The following WDR48 variants were observed in gnomAD, a reference collection of about 807,000 sequenced individuals.
WDR48 encodes the protein WD repeat domain 48, also known as WD repeat-containing protein 48.
Under a neutral mutation model 94.0 loss-of-function variants are expected in WDR48, and 22 were observed. The ratio of observed to expected loss-of-function variants is 0.23; its 90% CI spans 0.17 to 0.33. WDR48 has a LOEUF of 0.33. WDR48 is among the 10% of genes least tolerant of loss of function. The pLI, the probability that WDR48 is intolerant of heterozygous loss-of-function variation, is 1.00. For synonymous variants in WDR48, 278 were observed against 280.5 expected (o/e 0.99, Z 0.09); for missense variants, 541 against 813.8 (o/e 0.66, Z 4.08).
chr3:39,071,644 A>G (rs965684250), intron 7 of WDR48, among the ~76,000 whole-genome samples: 18 of 152,222 alleles, frequency 1.2e-4, no homozygotes, highest in African/African-American at 4.1e-4. Context: ...AGCAGAGGAA[A>G]TATTGTGGTT....
intron 1 of WDR48, among the ~76,000 whole-genome samples, chr3:39,052,910 A>G (rs1170686337): frequency 6.6e-6 from 1 of 152,162 alleles, no homozygotes; most frequent in African/African-American, 2.4e-5. Flanking sequence ...ATTAGGAGAA[A>G]TACCTAATGT....
chr3:39,056,454 CT>C (rs1343387183), intron 1 of WDR48, among the ~76,000 whole-genome samples: 1 of 152,126 alleles, frequency 6.6e-6, no homozygotes, highest in African/African-American at 2.4e-5. Context: ...ATCGAAGGGG[CT>C]TTCTAAATGC....
intron 15 of WDR48, among the ~76,000 whole-genome samples, chr3:39,088,828 T>G (rs983644463): frequency 3.9e-5 from 6 of 152,158 alleles, no homozygotes; most frequent in African/African-American, 1.4e-4. Flanking sequence ...CTTGTCTTAT[T>G]CTTGAGTGCA....
At chr3:39,052,180 C>A in intron 1 of WDR48, 107 bp downstream of exon 1, 1 of 1,413,518 alleles carries the variant, frequency 7.1e-7, no homozygotes. Flanking sequence ...CGGCATGGGG[C>A]GAACGGGGCG....
At position 39,074,800 on chromosome 3, in the gene WDR48, A is replaced by G. The variant is rs1165425090; in HGVS notation, c.747A>G (p.Arg249=). The G allele has an allele frequency of 6.2e-7, 1 of 1,614,224 alleles. No individual in the cohort carries two copies. The highest frequency in any genetic ancestry group is 1.1e-5 in the South Asian group (1 of 91,090). Residue 249 remains arginine, a synonymous_variant, in exon 8 of 19, where the codon CGA becomes CGG. Coordinates refer to ENST00000302313, the MANE Select transcript of WDR48 (RefSeq NM_020839.4). ...AGCAGAGATGTATAGCAACATACCG[A>G]GTCCATGATGAAGGTGTTTGGGCGC... ...LGQQRCIATY[R]VHDEGVWALQ... is the part of the protein sequence containing the mutation.
At chr3:39,087,556 C>T (rs534536804) in intron 14 of WDR48, among the ~76,000 whole-genome samples, 2 of 152,192 alleles carry the variant, frequency 1.3e-5, no homozygotes, top group African/African-American at 2.4e-5. Context: ...GAGGTTGAGG[C>T]CGCAATGATC....
intron 11 of WDR48, among the ~76,000 whole-genome samples, chr3:39,081,678 C>T (rs979414264): frequency 6.6e-6 from 1 of 152,158 alleles, no homozygotes; most frequent in Non-Finnish European, 1.5e-5. Flanking sequence ...CTCATGCTGC[C>T]CAGGACCTAA....
rs1451464199 is a variant in WDR48, at chr3:39,077,173, C to T, written c.932C>T (p.Ala311Val). 3.1e-6 allele frequency: 5 copies of T among 1,614,140 alleles called. No individual in the cohort carries two copies. In the East Asian group the frequency reaches 8.9e-5, roughly 29 times the overall value. The change falls in exon 9 of 19, where the codon GCA (alanine) becomes GTA (valine). Residue 311 changes from alanine to valine, a missense_variant. This residue lies in a region of WDR48 where 238 missense variants were observed against 285.3 expected (regional missense o/e 0.83). Transcript: ENST00000302313. ...ELDRSADPPP[A>V]IWVATTKSTV... ...GATAGATCAGCTGATCCTCCTCCTG[C>T]AATTTGGGTTGCAACAACTAAGTCT...
In WDR48 at chr3:39,052,077, T is replaced by G; in HGVS notation, c.48+4T>G. 2 of 1,613,602 alleles carry G rather than the reference T, an allele frequency of 1.2e-6. No homozygotes were observed. The highest frequency in any genetic ancestry group is 1.1e-5 in the South Asian group (1 of 91,066). Reference sequence around the variant, plus strand: ...AGCAGGGCGGAGGAAAGTGCAGGTATGGAAGCCCGGTTCCTCGGTCTTCCG... The same window carrying G: ...AGCAGGGCGGAGGAAAGTGCAGGTAGGGAAGCCCGGTTCCTCGGTCTTCCG... On this transcript the variant is annotated splice_donor_region_variant and intron_variant, in intron 1 of 18. Transcript: ENST00000302313.
Position 39,095,055 on chromosome 3 carries a change from G to A in WDR48, c.*312G>A, listed in dbSNP as rs1375524169. On this transcript the variant is annotated 3_prime_UTR_variant, in exon 19 of 19. Transcript: ENST00000302313. ...CTTTGCTTCCTCCTTTTGTTTCAAA[G>A]GACCTTATCTACCCATTAACACTTG... is the stretch of plus-strand genomic sequence containing the variant. The A allele has an allele frequency of 5.4e-6, 2 of 369,480 alleles. No individual in the cohort carries two copies. The highest frequency in any genetic ancestry group is 9.8e-6 in the Non-Finnish European group (2 of 203,550). The allele number at this position is 369,480 out of a possible 1,614,324, so 22.9% of individuals were successfully genotyped here. A position where few individuals can be genotyped will look rare whatever the true frequency, so the allele number is the denominator to read the frequency against.
chr3:39,056,553 T>C (rs2032901383), intron 1 of WDR48, among the ~76,000 whole-genome samples: 1 of 152,106 alleles, frequency 6.6e-6, no homozygotes, highest in African/African-American at 2.4e-5. Context: ...GGGAAGGAGA[T>C]GACGAGGGAG....
chr3:39,081,508 G>A (rs577162426), intron 11 of WDR48, among the ~76,000 whole-genome samples: 191 of 152,292 alleles, frequency 1.3e-3, no homozygotes, highest in African/African-American at 4.2e-3. Context: ...ATGCCTGTTG[G>A]GGGTGGGGGT....
At chr3:39,070,687 CTTTTTTTTTT>C (rs34204168) in intron 7 of WDR48, among the ~76,000 whole-genome samples, 4 of 133,312 alleles carry the variant, frequency 3.0e-5, no homozygotes, top group African/African-American at 1.1e-4. Flanking sequence ...TGTGAAGGAT[CTTTTTTTTTT>C]TTTTTTTTTA....
chr3:39,094,829 C>T lies in WDR48; in HGVS notation c.*86C>T, dbSNP rs967526914. On this transcript the variant is annotated 3_prime_UTR_variant, in exon 19 of 19. Transcript: ENST00000302313. ...TCCTAGGAAGCCCACTGATCCCCAA[C>T]GGGAGCAAGACTTCTAACGGCTGAT... 1.0e-4 allele frequency: 153 copies of T among 1,521,102 alleles called. No homozygotes were observed. Among genetic ancestry groups the T allele is most frequent in the Non-Finnish European group, 1.2e-4 (140 of 1,122,430 alleles). 94.2% of individuals were successfully genotyped at this position (1,521,102 alleles called of 1,614,324 possible).
Position 39,076,862 on chromosome 3 carries a change from C to T in WDR48, c.898-277C>T, listed in dbSNP as rs113541987. On this transcript the variant is annotated intron_variant, in intron 8 of 18. Coordinates refer to ENST00000302313, the MANE Select transcript of WDR48 (RefSeq NM_020839.4). ...TTATGGAAAGTCTTTATCCTTTTGA[C>T]TGTATCCATTCAAGTACCTCAAATT... Among the ~76,000 whole-genome samples, 547 of 152,296 alleles carry T rather than the reference C, an allele frequency of 3.6e-3. 9 individuals carry two copies. The highest frequency in any genetic ancestry group is 0.013 in the African/African-American group (524 of 41,544).
chr3:39,074,911 T>C lies in WDR48; in HGVS notation c.858T>C (p.Ile286=), dbSNP rs776611526. Residue 286 remains isoleucine, a synonymous_variant, in exon 8 of 19, where the codon ATT becomes ATC. Transcript: ENST00000302313. Reference sequence around the variant, plus strand: ...GTACAGACCTAAGAAACCCTGACATTCGGGTGCTAATTTGTGAAGAAAAAG... The same window carrying C: ...GTACAGACCTAAGAAACCCTGACATCCGGGTGCTAATTTGTGAAGAAAAAG... The part of the protein sequence containing the change: ...IYCTDLRNPD[I]RVLICEEKAP... The C allele has an allele frequency of 6.2e-7, 1 of 1,614,228 alleles. No individual in the cohort carries two copies. Among genetic ancestry groups the C allele is most frequent in the Admixed American group, 1.7e-5 (1 of 60,022 alleles).
At chr3:39,056,765 T>C (rs1575387148) in intron 1 of WDR48, among the ~76,000 whole-genome samples, 1 of 152,236 alleles carries the variant, frequency 6.6e-6, no homozygotes, top group South Asian at 2.1e-4. Flanking sequence ...CCTTTTCTTA[T>C]ATTACTTTCT....
chr3:39,071,139 A>G (rs188136217), intron 7 of WDR48, among the ~76,000 whole-genome samples: 1 of 152,338 alleles, frequency 6.6e-6, no homozygotes, highest in East Asian at 1.9e-4. Context: ...GCCGCAATAA[A>G]CATACAGGAT....
chr3:39,058,767 G>C (rs956067905), intron 1 of WDR48, among the ~76,000 whole-genome samples: 3 of 152,150 alleles, frequency 2.0e-5, no homozygotes, highest in Non-Finnish European at 4.4e-5. Context: ...TATTCTAATG[G>C]AGAAGATACA....
Sources: gnomAD v4.1 joint callset for allele counts (sites outside exome capture counted in the v4.1 genomes callset) on GRCh38, gnomAD v4.1.1 for gene constraint, gnomAD v4.1.1 regional missense constraint, MANE v1.5 for transcripts, NCBI Gene and HGNC (gene_info 2026-07-23, HGNC 2026-07-21) for gene names.